Variants in SEC24A observed in about 807,000 individuals in gnomAD.
SEC24A encodes protein transport protein Sec24A.
A neutral mutation model predicts 129.4 loss-of-function variants in SEC24A; 93 were observed. That is an observed-to-expected ratio of 0.72 (90% CI 0.61 to 0.85). SEC24A has a LOEUF of 0.85. Among genes scored for constraint, SEC24A ranks in the 40% least tolerant of loss-of-function variants. The pLI is 0.00. For synonymous variants in SEC24A, 460 were observed against 467.3 expected (o/e 0.98, Z 0.20); for missense variants, 1,264 against 1,307.4 (o/e 0.97, Z 0.51).
At position 134,697,145 on chromosome 5, in the gene SEC24A, C is replaced by A; in HGVS notation, c.2006C>A (p.Ser669Tyr). ...AAATAGGATATACACATGACACCAT[C>A]CACTGACTTCTATAAGAAATTAGCC... ...SSAKDIHMTP[S>Y]TDFYKKLALD... is the part of the protein sequence containing the mutation. The change falls in exon 14 of 23, where the codon TCC (serine) becomes TAC (tyrosine). Residue 669 changes from serine (S) to tyrosine (Y), a missense_variant. Coordinates refer to ENST00000398844, the MANE Select transcript of SEC24A (RefSeq NM_021982.3). 1 of 1,540,152 alleles carries A rather than the reference C, an allele frequency of 6.5e-7. No individual in the cohort carries two copies. The highest frequency in any genetic ancestry group is 8.9e-7 in the Non-Finnish European group (1 of 1,118,856).
At chr5:134,723,737 G>T in intron 22 of SEC24A, 67 bp downstream of exon 22, 1 of 849,000 alleles carries the variant, frequency 1.2e-6, no homozygotes, top group Non-Finnish European at 1.9e-6. Context: ...CCTGACAAGA[G>T]TATAGCAAAA....
rs574644937 is a variant in SEC24A at position 134,657,041 on chromosome 5, C to T, written c.98-4078C>T. On this transcript the variant is annotated intron_variant, in intron 1 of 22. Transcript: ENST00000398844. ...CTCTACAAAAAAATTTAAAAATTAGCCAGGCATAATGGTGCACGCCTGTAG... is the reference window on the plus strand; with the variant it reads ...CTCTACAAAAAAATTTAAAAATTAGTCAGGCATAATGGTGCACGCCTGTAG... 1.6e-4 allele frequency among the ~76,000 whole-genome samples: 25 copies of T among 151,756 alleles called. No homozygotes were observed. The East Asian group carries it at 4.9e-3, about 30-fold the overall frequency.
Position 134,726,797 on chromosome 5 carries a change from T to G in SEC24A, c.*1703T>G, listed in dbSNP as rs1291388339. The G allele has an allele frequency of 6.6e-6, 1 of 152,168 alleles. No homozygotes were observed. Among genetic ancestry groups the G allele is most frequent in the Admixed American group, 6.5e-5 (1 of 15,274 alleles). 9.4% of individuals were successfully genotyped at this position (152,168 alleles called of 1,614,324 possible). A position where few individuals can be genotyped will look rare whatever the true frequency, so the allele number is the denominator to read the frequency against. On this transcript the variant is annotated 3_prime_UTR_variant, in exon 23 of 23. Coordinates refer to ENST00000398844, the MANE Select transcript of SEC24A (RefSeq NM_021982.3). ...CTAAAATGTTCCTCTTAATGTGATT[T>G]TAAATGGAGTTATTTGTAGGTCCTT...
chr5:134,719,536 A>T (rs1329851068), intron 20 of SEC24A, among the ~76,000 whole-genome samples: 2 of 152,016 alleles, frequency 1.3e-5, no homozygotes, highest in African/African-American at 4.8e-5. Context: ...TACTCAAAAT[A>T]CCAAATCCAG....
intron 8 of SEC24A, among the ~76,000 whole-genome samples, chr5:134,681,290 C>T (rs1166613725): frequency 2.6e-5 from 4 of 151,722 alleles, no homozygotes; most frequent in Non-Finnish European, 5.9e-5. Flanking sequence ...ATCCCAGCTA[C>T]TCGGGAGGCT....
Position 134,674,677 on chromosome 5 carries a change from T to A in SEC24A, c.880T>A (p.Ser294Thr). 6.2e-7 allele frequency: 1 copy of A among 1,613,728 alleles called. No individual in the cohort carries two copies. Among genetic ancestry groups the A allele is most frequent in the Non-Finnish European group, 8.5e-7 (1 of 1,179,612 alleles). Residue 294 changes from serine to threonine, a missense_variant, in exon 5 of 23, where the codon TCC becomes ACC. Transcript: ENST00000398844. Reference protein sequence around the residue: ...MSRSVGYSYPSLPPGYQNTTP... With the variant: ...MSRSVGYSYPTLPPGYQNTTP... ...CCGAAGTGTTGGATATTCATATCCCTCCTTACCACCTGGTTATCAGAACAC... is the reference window on the plus strand; with the variant it reads ...CCGAAGTGTTGGATATTCATATCCCACCTTACCACCTGGTTATCAGAACAC...
At chr5:134,698,151 G>A (rs1751886424) in intron 15 of SEC24A, 94 bp downstream of exon 15, 1 of 1,061,118 alleles carries the variant, frequency 9.4e-7, no homozygotes, top group Non-Finnish European at 1.4e-6. Context: ...TTGCCCTTCT[G>A]AGATACTTTG....
intron 1 of SEC24A, among the ~76,000 whole-genome samples, chr5:134,650,659 C>G (rs1411587693): frequency 2.0e-5 from 3 of 151,706 alleles, no homozygotes; most frequent in Non-Finnish European, 2.9e-5. Context: ...CCTCCTTAAC[C>G]TTCCAAAGTG....
intron 16 of SEC24A, among the ~76,000 whole-genome samples, chr5:134,705,090 A>ATATATATATATATATATATATATATTTTT (rs1180461537): frequency 1.6e-5 from 2 of 123,300 alleles, no homozygotes; most frequent in Non-Finnish European, 3.4e-5. Flanking sequence ...ATATATATAT[A>ATATATATATATATATATATATATATTTTT]TTTTTTTTTT....
At chr5:134,686,350 T>C (rs1751451375) in intron 9 of SEC24A, among the ~76,000 whole-genome samples, 1 of 151,876 alleles carries the variant, frequency 6.6e-6, no homozygotes, top group African/African-American at 2.4e-5. Context: ...TCCTCCTGCC[T>C]CAGCCTCCCG....
At position 134,698,002 on chromosome 5, in the gene SEC24A, A is replaced by T; in HGVS notation, c.2211A>T (p.Arg737Ser). 1 of 1,614,036 alleles carries T rather than the reference A, an allele frequency of 6.2e-7. No homozygotes were observed. Among genetic ancestry groups the T allele is most frequent in the Non-Finnish European group, 8.5e-7 (1 of 1,179,956 alleles). ...QVQKLQKELQ[R>S]YLTRKIGFEA... ...AGAAATTACAGAAGGAACTACAGAG[A>T]TACCTTACTCGGAAGATTGGCTTTG... is the stretch of plus-strand genomic sequence containing the variant. Residue 737 changes from arginine (R) to serine (S), a missense_variant, in exon 15 of 23, where the codon AGA becomes AGT. Physicochemically the swap from Arg to Ser is moderately radical, Grantham distance 110 (BLOSUM62 -1). Transcript: ENST00000398844.
intron 17 of SEC24A, 60 bp from the exon 18 acceptor site, chr5:134,708,653 C>G (rs1752232774): frequency 6.9e-7 from 1 of 1,444,106 alleles, no homozygotes; most frequent in South Asian, 1.3e-5. Flanking sequence ...CTATCCTTAA[C>G]AGTGGACTAG....
At chr5:134,684,560 A>G (rs1751385443) in intron 9 of SEC24A, among the ~76,000 whole-genome samples, 1 of 151,844 alleles carries the variant, frequency 6.6e-6, no homozygotes, top group Non-Finnish European at 1.5e-5. Context: ...TAAAAATACA[A>G]AAGTTAGCCA....
At chr5:134,686,279 G>A (rs1173121911) in intron 9 of SEC24A, among the ~76,000 whole-genome samples, 1 of 150,856 alleles carries the variant, frequency 6.6e-6, no homozygotes, top group East Asian at 2.0e-4. Context: ...TTGTCGCCCA[G>A]GCTAGAGTGC....
At chr5:134,679,336 A>G (rs180725254) in intron 7 of SEC24A, among the ~76,000 whole-genome samples, 3 of 152,086 alleles carry the variant, frequency 2.0e-5, no homozygotes, top group Non-Finnish European at 2.9e-5. Context: ...GGAGTTACAC[A>G]TGTGAGCCAC....
chr5:134,661,385 C>T lies in SEC24A; in HGVS notation c.364C>T (p.Pro122Ser). 6.2e-7 allele frequency: 1 copy of T among 1,614,196 alleles called. No individual in the cohort carries two copies. The highest frequency in any genetic ancestry group is 8.5e-7 in the Non-Finnish European group (1 of 1,180,028). The change falls in exon 2 of 23, where the codon CCT (proline) becomes TCT (serine). Residue 122 changes from proline (P) to serine (S), a missense_variant. Physicochemically the swap from Pro to Ser is moderately conservative, Grantham distance 74. Coordinates refer to ENST00000398844, the MANE Select transcript of SEC24A (RefSeq NM_021982.3). ...ASQNPATTPM[P>S]SSSFLPEANL... is the part of the protein sequence containing the mutation. ...TCAGAACCCAGCTACTACACCAATGCCTTCTAGTAGCTTTCTTCCTGAAGC... is the reference window on the plus strand; with the variant it reads ...TCAGAACCCAGCTACTACACCAATGTCTTCTAGTAGCTTTCTTCCTGAAGC...
At chr5:134,711,626 G>A (rs539391179) in intron 18 of SEC24A, among the ~76,000 whole-genome samples, 3 of 144,588 alleles carry the variant, frequency 2.1e-5, no homozygotes, top group South Asian at 2.2e-4. Context: ...TGGCAGTGGC[G>A]ATCTCGGCTC....
chr5:134,720,968 A>G (rs763871688), intron 20 of SEC24A, 30 bp from the exon 21 acceptor site: 4 of 1,238,916 alleles, frequency 3.2e-6, no homozygotes, highest in South Asian at 2.4e-5. Flanking sequence ...TGTATGCTGC[A>G]TCTCAAAATA....
chr5:134,649,544 T>A (rs564560117), intron 1 of SEC24A, among the ~76,000 whole-genome samples: 2 of 152,180 alleles, frequency 1.3e-5, no homozygotes, highest in South Asian at 2.1e-4. Context: ...GGGGTCTGAT[T>A]CTTCTGGGTT....
Sources: allele counts gnomAD v4.1 joint callset (sites outside exome capture counted in the v4.1 genomes callset), GRCh38; gene constraint gnomAD v4.1.1; transcripts MANE v1.5; gene names NCBI Gene and HGNC (gene_info 2026-07-23, HGNC 2026-07-21).